Variants in MYLK observed in about 807,000 individuals in gnomAD.
MYLK encodes myosin light chain kinase, also known as myosin light chain kinase, smooth muscle.
MYLK carries 106 observed loss-of-function variants against 203.4 expected under a neutral mutation model. The ratio of observed to expected loss-of-function variants is 0.52; its 90% confidence interval spans 0.45 to 0.61. MYLK has a LOEUF of 0.61. MYLK is among the 20% of genes least tolerant of loss of function. MYLK has a pLI of 0.00. For synonymous variants in MYLK, 867 were observed against 959.5 expected, an observed-to-expected ratio of 0.90 and a Z score of 1.78; for missense variants, 2,072 against 2,442.3, an observed-to-expected ratio of 0.85 and a Z score of 3.20.
chr3:123,700,448 G>A lies in MYLK; in HGVS notation c.3020C>T (p.Ala1007Val), dbSNP rs1382043515. 4 of 1,609,214 alleles carry A rather than the reference G, an allele frequency of 2.5e-6. No individual in the cohort carries two copies. The African/African-American group carries it at 5.4e-5, about 22-fold the overall frequency. Residue 1007 changes from alanine to valine, a missense_variant, in exon 18 of 34, where the codon GCA becomes GTA. Ala to Val is a moderately conservative substitution (Grantham distance 64). This residue lies in a region of MYLK where 865 missense variants were observed against 1,016.0 expected (regional missense o/e 0.85). Coordinates refer to ENST00000360304, the MANE Select transcript of MYLK (RefSeq NM_053025.4). The part of the protein sequence containing the change: ...SSSAETLNAK[A>V]VESSKPLSNA... ...GCTCAGGGGCTTGGAACTCTCCACTGCCTTGGCATTCAGGGTCTCGGCACT... is the reference window on the plus strand; with the variant it reads ...GCTCAGGGGCTTGGAACTCTCCACTACCTTGGCATTCAGGGTCTCGGCACT...
intron 4 of MYLK, among the ~76,000 whole-genome samples, chr3:123,758,754 C>T (rs995377220): frequency 6.6e-6 from 1 of 152,298 alleles, no homozygotes; most frequent in African/African-American, 2.4e-5. Context: ...CTTTTTGATT[C>T]CCTTTTAATG....
At chr3:123,738,068 T>G in intron 7 of MYLK, among the ~76,000 whole-genome samples, 2 of 128,576 alleles carry the variant, frequency 1.6e-5, no homozygotes, top group Non-Finnish European at 1.6e-5. Flanking sequence ...TAAGCTTCAC[T>G]TCCCCCAGCC....
intron 5 of MYLK, among the ~76,000 whole-genome samples, chr3:123,742,401 T>G (rs1391556782): frequency 6.6e-6 from 1 of 152,218 alleles, no homozygotes; most frequent in Non-Finnish European, 1.5e-5. Context: ...AAAGGTATCA[T>G]GTTATTAATA....
At chr3:123,732,767 G>T in intron 11 of MYLK, 129 bp downstream of exon 11, 1 of 876,798 alleles carries the variant, frequency 1.1e-6, no homozygotes, top group Non-Finnish European at 1.8e-6. Flanking sequence ...TGTGATTGGG[G>T]GTGACATTTC....
chr3:123,775,029 ATTTT>A (rs869245535), intron 4 of MYLK, among the ~76,000 whole-genome samples: 1 of 146,684 alleles, frequency 6.8e-6, no homozygotes, highest in Non-Finnish European at 1.5e-5. Flanking sequence ...AACATGGTAA[ATTTT>A]TTTTTTTTTA....
At chr3:123,799,134 T>C (rs1279843022) in intron 3 of MYLK, among the ~76,000 whole-genome samples, 3 of 151,230 alleles carry the variant, frequency 2.0e-5, no homozygotes, top group African/African-American at 7.3e-5. Flanking sequence ...GGGGAGAGGG[T>C]CAAAAAGAGC....
intron 24 of MYLK, among the ~76,000 whole-genome samples, chr3:123,654,713 C>CTTTTTT (rs1201129769): frequency 8.0e-5 from 10 of 125,286 alleles, no homozygotes; most frequent in African/African-American, 1.3e-4. Context: ...TTCTTTAATT[C>CTTTTTT]TTTTTTTTTT....
chr3:123,729,641 G>A (rs541537465), intron 11 of MYLK, among the ~76,000 whole-genome samples: 11 of 152,304 alleles, frequency 7.2e-5, no homozygotes, highest in Admixed American at 2.6e-4. Context: ...CAGCACTTTA[G>A]GAGGCTAAAG....
In MYLK at chr3:123,834,212, A is replaced by T. The variant is rs565873852; in HGVS notation, c.-126-2542T>A. Among the ~76,000 whole-genome samples the T allele has an allele frequency of 1.7e-4, 26 of 152,078 alleles. No individual in the cohort carries two copies. The East Asian group carries it at 5.0e-3, about 29-fold the overall frequency. ...AGGTGCACGCCACCATGTCCTGCTAATTTTTGTATTTTTAGTAGAGATGGG... is the reference window on the plus strand; with the variant it reads ...AGGTGCACGCCACCATGTCCTGCTATTTTTTGTATTTTTAGTAGAGATGGG... On this transcript the variant is annotated intron_variant, in intron 2 of 33. Transcript: ENST00000360304.
chr3:123,735,235 A>G lies in MYLK; in HGVS notation c.773+163T>C. 5.3e-6 allele frequency: 5 copies of G among 947,724 alleles called. No homozygotes were observed. The South Asian group carries it at 5.3e-5, about 10-fold the overall frequency. 58.7% of individuals were successfully genotyped at this position (947,724 alleles called of 1,614,324 possible). On this transcript the variant is annotated intron_variant, in intron 9 of 33. Transcript: ENST00000360304. ...TGAGATAGAACCCGTGTGTCATATT[A>G]CAATAGGAGAACAAGACAAAACACC... is the stretch of plus-strand genomic sequence containing the variant.
rs776616400 is a variant in MYLK, at chr3:123,701,483, T to C, written c.2417A>G (p.Gln806Arg). 6.2e-6 allele frequency: 10 copies of C among 1,613,934 alleles called. No homozygotes were observed. In the African/African-American group the frequency reaches 1.1e-4, roughly 17 times the overall value. The change falls in exon 17 of 34, where the codon CAG (glutamine) becomes CGG (arginine). Residue 806 changes from glutamine to arginine, a missense_variant. By Grantham distance (43) the Gln-to-Arg change is conservative. Around this residue, in one of 3 missense-constraint regions of MYLK, gnomAD observed 865 missense variants for 1,016.0 expected, o/e 0.85. Coordinates refer to ENST00000360304, the MANE Select transcript of MYLK (RefSeq NM_053025.4). ...LKNRVGECSC[Q>R]VSLMLQNSSA... ...GCTGTTCTGTAGCATCAGTGACACC[T>C]GGCAACTGCATTCGCCAACCCGGTT...
At chr3:123,828,788 T>C (rs1243786320) in intron 3 of MYLK, among the ~76,000 whole-genome samples, 3 of 152,064 alleles carry the variant, frequency 2.0e-5, no homozygotes, top group Non-Finnish European at 2.9e-5. Flanking sequence ...AATGGGCAAA[T>C]GATATGAACA....
At chr3:123,702,377 C>T (rs1259563704) in intron 16 of MYLK, among the ~76,000 whole-genome samples, 1 of 152,338 alleles carries the variant, frequency 6.6e-6, no homozygotes, top group East Asian at 1.9e-4. Flanking sequence ...GCATTTCATA[C>T]AGCACCCTCC....
chr3:123,775,852 C>T (rs2064055106), intron 4 of MYLK, among the ~76,000 whole-genome samples: 1 of 152,162 alleles, frequency 6.6e-6, no homozygotes, highest in African/African-American at 2.4e-5. Context: ...ACTCACGGCT[C>T]TCTCACTGCC....
intron 2 of MYLK, among the ~76,000 whole-genome samples, chr3:123,854,783 A>C (rs2031199115): frequency 6.6e-6 from 1 of 152,162 alleles, no homozygotes; most frequent in Non-Finnish European, 1.5e-5. Context: ...AACACTCAAA[A>C]TATATCCTTT....
At chr3:123,701,560 G>A (rs1319184682) in intron 16 of MYLK, 51 bp from the exon 17 acceptor site, 1 of 1,582,308 alleles carries the variant, frequency 6.3e-7, no homozygotes, top group Non-Finnish European at 8.7e-7. Context: ...TGGGCAAAGG[G>A]CCTGTTCAGT....
chr3:123,701,430 G>C lies in MYLK; in HGVS notation c.2462+8C>G. The C allele has an allele frequency of 6.2e-7, 1 of 1,613,942 alleles. No individual in the cohort carries two copies. Among genetic ancestry groups the C allele is most frequent in the Non-Finnish European group, 8.5e-7 (1 of 1,179,924 alleles). On this transcript the variant is annotated splice_region_variant and intron_variant, in intron 17 of 33. Transcript: ENST00000360304. ...TGGCCTGGAGGGGCAGCTCCTGGGG[G>C]CACTCACCGTGGAAGGGCTCTGGCA... is the stretch of plus-strand genomic sequence containing the variant.
chr3:123,788,213 A>G (rs1030808521), intron 4 of MYLK, among the ~76,000 whole-genome samples: 1 of 152,198 alleles, frequency 6.6e-6, no homozygotes, highest in Non-Finnish European at 1.5e-5. Flanking sequence ...TAATCTCTCA[A>G]TTCCTATAGT....
At chr3:123,824,669 A>C (rs1371960203) in intron 3 of MYLK, among the ~76,000 whole-genome samples, 1 of 152,156 alleles carries the variant, frequency 6.6e-6, no homozygotes, top group Non-Finnish European at 1.5e-5. Flanking sequence ...AAGAAACATG[A>C]TCAAACCCCA....
Sources: allele counts gnomAD v4.1 joint callset (sites outside exome capture counted in the v4.1 genomes callset), GRCh38; gene constraint gnomAD v4.1.1; regional missense constraint gnomAD v4.1.1; transcripts MANE v1.5; gene names NCBI Gene and HGNC (gene_info 2026-07-23, HGNC 2026-07-21).